Variants in ZFYVE16 observed in about 807,000 individuals in gnomAD.
ZFYVE16 encodes zinc finger FYVE-type containing 16.
In ZFYVE16, 89 loss-of-function variants were observed where a neutral mutation model predicts 138.1. The observed-to-expected ratio is 0.64, with a 90% CI of 0.54 to 0.77. The LOEUF (loss-of-function observed/expected upper bound fraction) is 0.77. Ranked by LOEUF, ZFYVE16 falls within the 30% of genes least tolerant of loss-of-function variation. The pLI, the probability that ZFYVE16 is intolerant of heterozygous loss-of-function variation, is 0.00. For missense variants in ZFYVE16, 1,793 were observed against 1,786.7 expected (o/e 1.00, Z -0.06); for synonymous variants, 596 against 618.3 (o/e 0.96, Z 0.53).
intron 4 of ZFYVE16, 87 bp from the exon 5 acceptor site, chr5:80,439,849 A>T: frequency 2.1e-6 from 2 of 941,530 alleles, no homozygotes; most frequent in Non-Finnish European, 3.0e-6. Flanking sequence ...AATTTTGGTT[A>T]ATTAGGTTTA....
At chr5:80,430,537 G>A (rs1436865743) in intron 2 of ZFYVE16, among the ~76,000 whole-genome samples, 2 of 151,650 alleles carry the variant, frequency 1.3e-5, no homozygotes, top group African/African-American at 4.8e-5. Context: ...AACTAGAGAA[G>A]CAAGAGCAAA....
Position 80,445,272 on chromosome 5 carries a change from C to G in ZFYVE16, c.2591C>G (p.Ser864Cys), listed in dbSNP as rs773902250. 3 of 1,612,284 alleles carry G rather than the reference C, an allele frequency of 1.9e-6. No homozygotes were observed. The Admixed American group carries it at 5.0e-5, about 27-fold the overall frequency. ...LKQPGVEGLC[S>C]KEQKRVWFAD... Reference sequence around the variant, plus strand: ...TTTCAATTGATTCTAGGACTATGTTCCAAAGAACAGAAGAGAGTATGGTTT... The same window carrying G: ...TTTCAATTGATTCTAGGACTATGTTGCAAAGAACAGAAGAGAGTATGGTTT... Residue 864 changes from serine to cysteine, a missense_variant, in exon 7 of 19, where the codon TCC (serine) becomes TGC (cysteine). Transcript: ENST00000505560.
chr5:80,414,036 T>C (rs956340998), intron 1 of ZFYVE16, among the ~76,000 whole-genome samples: 2 of 152,252 alleles, frequency 1.3e-5, no homozygotes, highest in African/African-American at 4.8e-5. Flanking sequence ...ATGTAAATAT[T>C]GTATGTAGCT....
At chr5:80,477,186 C>A in intron 18 of ZFYVE16, 33 bp from the exon 19 acceptor site, 1 of 1,552,148 alleles carries the variant, frequency 6.4e-7, no homozygotes, top group South Asian at 1.2e-5. Context: ...CAAGATTGCT[C>A]ATTTTCTTAT....
At chr5:80,472,573 TA>T (rs33928816) in intron 15 of ZFYVE16, among the ~76,000 whole-genome samples, 187 bp from the exon 16 acceptor site, 117,727 of 151,556 alleles carry the variant, frequency 0.78, 48,859 homozygotes, top group East Asian at 0.92. Flanking sequence ...GTTTTAACCT[TA>T]AAAAAAAAAT....
At chr5:80,429,815 T>A (rs1748716769) in intron 2 of ZFYVE16, among the ~76,000 whole-genome samples, 2 of 123,358 alleles carry the variant, frequency 1.6e-5, no homozygotes, top group South Asian at 5.8e-4. Flanking sequence ...AAAACAGACT[T>A]TAAACCAACA....
At chr5:80,429,735 C>T (rs1449547479) in intron 2 of ZFYVE16, among the ~76,000 whole-genome samples, 1 of 151,922 alleles carries the variant, frequency 6.6e-6, no homozygotes, top group Non-Finnish European at 1.5e-5. Context: ...CACATAGGCT[C>T]AAAATAAAGG....
At chr5:80,432,961 A>G (rs1396623113) in intron 2 of ZFYVE16, among the ~76,000 whole-genome samples, 3 of 152,338 alleles carry the variant, frequency 2.0e-5, no homozygotes, top group Non-Finnish European at 4.4e-5. Flanking sequence ...GAGGATGTGG[A>G]AAAACAGGAA....
At chr5:80,431,032 C>T (rs1182979266) in intron 2 of ZFYVE16, among the ~76,000 whole-genome samples, 67 of 152,170 alleles carry the variant, frequency 4.4e-4, no homozygotes, top group Non-Finnish European at 5.9e-5. Flanking sequence ...GGTACCATTC[C>T]TTCTGAAACT....
At position 80,482,120 on chromosome 5, in the gene ZFYVE16, C is replaced by T. The variant is rs765515057; in HGVS notation, c.*4743C>T. Reference sequence around the variant, plus strand: ...ACAGGCATAAGCCAGCACACCTGGCCGTTAAACTAGTTATTTTAATCATGC... The same window carrying T: ...ACAGGCATAAGCCAGCACACCTGGCTGTTAAACTAGTTATTTTAATCATGC... On this transcript the variant is annotated 3_prime_UTR_variant, in exon 19 of 19. Transcript: ENST00000505560. Among the ~76,000 whole-genome samples, 3 of 152,136 alleles carry T rather than the reference C, an allele frequency of 2.0e-5. No individual in the cohort carries two copies. Among genetic ancestry groups the T allele is most frequent in the Non-Finnish European group, 4.4e-5 (3 of 68,030 alleles).
Position 80,430,512 on chromosome 5 carries a change from C to T in ZFYVE16, c.-40+2967C>T, listed in dbSNP as rs552023239. Among the ~76,000 whole-genome samples the T allele has an allele frequency of 5.7e-4, 86 of 151,962 alleles. 1 individual carries two copies. The highest frequency in any genetic ancestry group is 2.0e-3 in the African/African-American group (83 of 41,454). On this transcript the variant is annotated intron_variant, in intron 2 of 18. Transcript: ENST00000505560. ...GAAAGATCTAAAATTGACACCCTAA[C>T]ATCACAATTTAAAGAACTAGAGAAG...
At chr5:80,409,642 C>T (rs1580048775) in intron 1 of ZFYVE16, 1 of 152,320 alleles carries the variant, frequency 6.6e-6, no homozygotes. Context: ...TAGAAGACAG[C>T]TGGATTTTCA....
At chr5:80,453,715 CTGTG>C (rs762251235) in intron 11 of ZFYVE16, among the ~76,000 whole-genome samples, 2 of 151,976 alleles carry the variant, frequency 1.3e-5, no homozygotes, top group Admixed American at 6.6e-5. Flanking sequence ...GTGTGTGTGT[CTGTG>C]TGTGTATTTT....
chr5:80,463,223 G>A (rs571016689), intron 15 of ZFYVE16, among the ~76,000 whole-genome samples: 4 of 152,320 alleles, frequency 2.6e-5, no homozygotes, highest in South Asian at 4.1e-4. Flanking sequence ...CACCCCTGCA[G>A]CAAACTTCTG....
intron 17 of ZFYVE16, among the ~76,000 whole-genome samples, chr5:80,474,219 A>G (rs928534318): frequency 3.3e-5 from 5 of 152,100 alleles, no homozygotes; most frequent in African/African-American, 4.8e-5. Flanking sequence ...TTCATGTTTT[A>G]GTTTTTTTTT....
chr5:80,465,572 A>G (rs1211894469), intron 15 of ZFYVE16, among the ~76,000 whole-genome samples: 1 of 150,400 alleles, frequency 6.6e-6, no homozygotes, highest in Non-Finnish European at 1.5e-5. Flanking sequence ...GGTTTGGCTA[A>G]TTTTTTTTCT....
chr5:80,439,120 T>C (rs1168027823), intron 4 of ZFYVE16, 113 bp downstream of exon 4: 5 of 1,125,312 alleles, frequency 4.4e-6, no homozygotes, highest in Non-Finnish European at 4.9e-6. Flanking sequence ...TAGTTTAAAA[T>C]CAGTGTTTTT....
intron 1 of ZFYVE16, among the ~76,000 whole-genome samples, chr5:80,410,789 C>T (rs937039593): frequency 6.6e-6 from 1 of 150,632 alleles, no homozygotes; most frequent in Non-Finnish European, 1.5e-5. Context: ...AGGATGGTCT[C>T]GATCTCCTGA....
intron 15 of ZFYVE16, among the ~76,000 whole-genome samples, chr5:80,463,072 C>A (rs946935909): frequency 1.3e-5 from 2 of 152,212 alleles, no homozygotes; most frequent in African/African-American, 4.8e-5. Context: ...ACAGTGCAAG[C>A]TGTTGGTGGA....
Sources: gnomAD v4.1 joint callset for allele counts (sites outside exome capture counted in the v4.1 genomes callset) on GRCh38, gnomAD v4.1.1 for gene constraint, MANE v1.5 for transcripts, NCBI Gene and HGNC (gene_info 2026-07-23, HGNC 2026-07-21) for gene names.